COL13A1: variants seen among roughly 807,000 people sequenced by gnomAD.
COL13A1 encodes collagen type XIII alpha 1 chain.
Under a neutral mutation model 130.9 loss-of-function variants are expected in COL13A1, and 89 were observed. The ratio of observed to expected loss-of-function variants is 0.68; its 90% CI spans 0.57 to 0.81. COL13A1 has a LOEUF of 0.81. Ranked by LOEUF, COL13A1 falls within the 30% of genes least tolerant of loss-of-function variation. COL13A1 has a pLI of 0.00. For missense variants in COL13A1, 879 were observed against 934.6 expected (o/e 0.94, Z 0.78); for synonymous variants, 402 against 341.6 (o/e 1.18, Z -1.95).
chr10:69,886,505 C>T (rs150285512), intron 7 of COL13A1, among the ~76,000 whole-genome samples: 76 of 152,170 alleles, frequency 5.0e-4, no homozygotes, highest in Middle Eastern at 6.8e-3. Flanking sequence ...TGGTGAACGG[C>T]GGGTGAGCCA....
intron 1 of COL13A1, among the ~76,000 whole-genome samples, chr10:69,819,965 C>T (rs1035404181): frequency 6.6e-6 from 1 of 152,230 alleles, no homozygotes; most frequent in Non-Finnish European, 1.5e-5. Flanking sequence ...GCTGTTCCCT[C>T]TGACTGGAAC....
chr10:69,821,142 G>A (rs368416932), intron 1 of COL13A1, among the ~76,000 whole-genome samples: 3 of 152,200 alleles, frequency 2.0e-5, no homozygotes, highest in African/African-American at 7.2e-5. Flanking sequence ...CCAGAGCACA[G>A]GCTTCATGTG....
At chr10:69,852,257 A>T (rs1205757431) in intron 2 of COL13A1, among the ~76,000 whole-genome samples, 1 of 152,034 alleles carries the variant, frequency 6.6e-6, no homozygotes, top group African/African-American at 2.4e-5. Context: ...TCAGTGTGTA[A>T]ATTTTTCCCA....
At position 69,801,906 on chromosome 10, in the gene COL13A1, A is replaced by C. The variant is rs558745262; in HGVS notation, c.-518A>C. The C allele has an allele frequency of 6.5e-6, 1 of 152,952 alleles. No individual in the cohort carries two copies. The highest frequency in any genetic ancestry group is 2.0e-4 in the South Asian group (1 of 5,022). 9.5% of individuals were successfully genotyped at this position (152,952 alleles called of 1,614,324 possible). A position where few individuals can be genotyped will look rare whatever the true frequency, so the allele number is the denominator to read the frequency against. On this transcript the variant is annotated 5_prime_UTR_variant, in exon 1 of 41. Coordinates refer to ENST00000645393, the MANE Select transcript of COL13A1 (RefSeq NM_001368882.1). ...GTTTGGGAAGTAGCACGGATTGCTC[A>C]TCCGATCCGTGCCGCCGCAGGGAGT...
At chr10:69,927,030 C>G (rs1308903747) in intron 26 of COL13A1, 57 bp from the exon 27 acceptor site, 2 of 1,612,288 alleles carry the variant, frequency 1.2e-6, no homozygotes, top group Non-Finnish European at 1.7e-6. Flanking sequence ...GCAGTGAGAA[C>G]CTTCCACTTG....
chr10:69,806,907 C>T (rs2004076), intron 1 of COL13A1, among the ~76,000 whole-genome samples: 1 of 151,914 alleles, frequency 6.6e-6, no homozygotes, highest in African/African-American at 2.4e-5. Flanking sequence ...ACTCGGGAGG[C>T]TAAGGCAGGA....
At chr10:69,853,170 G>A in intron 2 of COL13A1, among the ~76,000 whole-genome samples, 1 of 152,166 alleles carries the variant, frequency 6.6e-6, no homozygotes, top group Non-Finnish European at 1.5e-5. Context: ...AGAGCCTTCT[G>A]TCTGGAAGGG....
intron 2 of COL13A1, among the ~76,000 whole-genome samples, chr10:69,846,660 G>A (rs10998997): frequency 0.078 from 11,893 of 151,710 alleles, 501 homozygotes; most frequent in African/African-American, 0.095. Flanking sequence ...AAATTTGTTA[G>A]CACCAGCTAA....
At chr10:69,822,194 G>A (rs917815280) in intron 1 of COL13A1, among the ~76,000 whole-genome samples, 175 bp from the exon 2 acceptor site, 14 of 152,224 alleles carry the variant, frequency 9.2e-5, no homozygotes, top group Admixed American at 4.6e-4. Context: ...TTGTCTGCTT[G>A]TTATTACCCA....
chr10:69,827,485 G>A (rs937828819), intron 2 of COL13A1, among the ~76,000 whole-genome samples: 5 of 152,168 alleles, frequency 3.3e-5, no homozygotes, highest in Non-Finnish European at 5.9e-5. Flanking sequence ...TGGCTGTGCT[G>A]TCCTCACAGG....
At chr10:69,894,481 CA>C in intron 10 of COL13A1, 70 bp from the exon 11 acceptor site, 1 of 1,585,704 alleles carries the variant, frequency 6.3e-7, no homozygotes, top group Non-Finnish European at 8.6e-7. Context: ...CCCCAATCCC[CA>C]CCCAGGCAGG....
At chr10:69,927,044 C>G in intron 26 of COL13A1, 43 bp from the exon 27 acceptor site, 1 of 1,613,592 alleles carries the variant, frequency 6.2e-7, no homozygotes, top group Non-Finnish European at 8.5e-7. Context: ...CCACTTGGCT[C>G]TTGGTTTGCT....
chr10:69,889,291 G>A (rs926095805), intron 9 of COL13A1, 123 bp from the exon 10 acceptor site: 1 of 1,254,910 alleles, frequency 8.0e-7, no homozygotes, highest in African/African-American at 1.5e-5. Context: ...TGGAGCACAG[G>A]GGACAGGGAG....
chr10:69,870,738 G>A (rs2058981765), intron 3 of COL13A1, among the ~76,000 whole-genome samples: 1 of 152,046 alleles, frequency 6.6e-6, no homozygotes, highest in African/African-American at 2.4e-5. Context: ...GGTGAGGGGT[G>A]GAGAACAGAG....
intron 2 of COL13A1, among the ~76,000 whole-genome samples, chr10:69,844,042 C>G (rs1032931278): frequency 3.3e-5 from 5 of 152,092 alleles, no homozygotes; most frequent in African/African-American, 1.2e-4. Flanking sequence ...ATAGAAAATA[C>G]CCAAGAGAGT....
intron 1 of COL13A1, among the ~76,000 whole-genome samples, chr10:69,808,535 G>A (rs893709749): frequency 6.6e-5 from 10 of 152,246 alleles, no homozygotes; most frequent in Admixed American, 5.9e-4. Context: ...AATCCTTCTC[G>A]ACACAGTCCT....
chr10:69,866,802 G>A (rs372421095), intron 2 of COL13A1, among the ~76,000 whole-genome samples: 5 of 152,136 alleles, frequency 3.3e-5, no homozygotes, highest in African/African-American at 4.8e-5. Flanking sequence ...GAAGGAAGCC[G>A]GCTCTGGGAA....
intron 13 of COL13A1, among the ~76,000 whole-genome samples, chr10:69,895,923 C>T (rs529167719): frequency 1.2e-4 from 19 of 152,200 alleles, no homozygotes; most frequent in Non-Finnish European, 1.9e-4. Flanking sequence ...CCTGTGGCAG[C>T]GTGACTTGTG....
chr10:69,842,528 C>A (rs1240599225), intron 2 of COL13A1, among the ~76,000 whole-genome samples: 3 of 152,188 alleles, frequency 2.0e-5, no homozygotes, highest in Non-Finnish European at 4.4e-5. Flanking sequence ...TGTCCAAGGA[C>A]CTCCCCTACT....
Sources: gnomAD v4.1 joint callset for allele counts (sites outside exome capture counted in the v4.1 genomes callset) on GRCh38, gnomAD v4.1.1 for gene constraint, MANE v1.5 for transcripts, NCBI Gene and HGNC (gene_info 2026-07-23, HGNC 2026-07-21) for gene names.